Variants in ATG13 observed in about 807,000 individuals in gnomAD.
ATG13 encodes autophagy related 13, also known as autophagy-related protein 13.
In ATG13, 23 loss-of-function variants were observed where a neutral mutation model predicts 65.5. That is an observed-to-expected ratio of 0.35 (90% confidence interval 0.25 to 0.50). The LOEUF (loss-of-function observed/expected upper bound fraction) is 0.50. ATG13 is among the 20% of genes least tolerant of loss of function. The probability of loss-of-function intolerance (pLI) is 0.98; values close to 1 mark genes in which losing one functional copy is unlikely to be tolerated. For synonymous variants in ATG13, 252 were observed against 245.2 expected (o/e 1.03, Z -0.26); for missense variants, 566 against 677.0 (o/e 0.84, Z 1.82).
At chr11:46,619,454 G>A (rs1233973517) in intron 1 of ATG13, among the ~76,000 whole-genome samples, 5 of 137,876 alleles carry the variant, frequency 3.6e-5, no homozygotes, top group African/African-American at 1.1e-4. Context: ...GCGGGAACTC[G>A]GCCCACTGCA....
chr11:46,653,180 C>CTT lies in ATG13; in HGVS notation c.458+2879_458+2880dup, dbSNP rs1226638713. On this transcript the variant is annotated intron_variant, in intron 7 of 18. Transcript: ENST00000683050. The stretch of plus-strand genomic sequence containing the variant: ...TATTTACATACATTTCATTTCTTTT[C>CTT]TTTTTTTTTTTTTTTTTGAGGTGGA... Among the ~76,000 whole-genome samples, 235 of 132,662 alleles carry CTT rather than the reference C, an allele frequency of 1.8e-3. 2 individuals carry two copies. Among genetic ancestry groups the CTT allele is most frequent in the African/African-American group, 5.2e-3 (184 of 35,060 alleles). 87.0% of individuals were successfully genotyped at this position (132,662 alleles called of 152,430 possible). A position where few individuals can be genotyped will look rare whatever the true frequency, so the allele number is the denominator to read the frequency against.
intron 1 of ATG13, chr11:46,618,344 C>T (rs1480781348): frequency 6.5e-6 from 1 of 153,424 alleles, no homozygotes; most frequent in African/African-American, 2.4e-5. Context: ...CTGTGGAAAC[C>T]TGTGATCCAT....
chr11:46,655,487 C>T (rs1360381566), intron 7 of ATG13, among the ~76,000 whole-genome samples: 2 of 151,982 alleles, frequency 1.3e-5, no homozygotes, highest in South Asian at 2.1e-4. Flanking sequence ...GTAGGAGAAT[C>T]GCTTGAACCC....
At chr11:46,661,857 A>C (rs2061294518) in intron 11 of ATG13, among the ~76,000 whole-genome samples, 1 of 152,156 alleles carries the variant, frequency 6.6e-6, no homozygotes, top group Non-Finnish European at 1.5e-5. Context: ...ATAAACTCAC[A>C]GTTGTAATCT....
intron 2 of ATG13, chr11:46,632,599 GT>G (rs2052186281): frequency 6.6e-6 from 1 of 152,116 alleles, no homozygotes; most frequent in Admixed American, 6.6e-5. Context: ...CATTTTGGCT[GT>G]AACAAGAATT....
chr11:46,669,671 C>G (rs2063251386), intron 18 of ATG13, 139 bp downstream of exon 18: 1 of 1,122,254 alleles, frequency 8.9e-7, no homozygotes, highest in East Asian at 2.6e-5. Context: ...TTTGATCACT[C>G]TTGAGATTGG....
intron 2 of ATG13, among the ~76,000 whole-genome samples, chr11:46,631,219 T>TAAGTAATGA (rs1435239142): frequency 6.6e-6 from 1 of 152,188 alleles, no homozygotes; most frequent in Admixed American, 6.6e-5. Context: ...AATGACAGGG[T>TAAGTAATGA]CTCACTCTGT....
chr11:46,620,278 G>A lies in ATG13; in HGVS notation c.-70+2388G>A, dbSNP rs147267727. On this transcript the variant is annotated intron_variant, in intron 1 of 18. Coordinates refer to ENST00000683050, the MANE Select transcript of ATG13 (RefSeq NM_001346311.2). ...CTGGCTAAGTTTTTGTATTTTTAGT[G>A]GAGATGAGGTTTCACCGAGTTGGCC... 9.3e-5 allele frequency among the ~76,000 whole-genome samples: 14 copies of A among 150,742 alleles called. No individual in the cohort carries two copies. In the East Asian group the frequency reaches 3.0e-3, roughly 32 times the overall value.
chr11:46,658,741 G>A lies in ATG13; in HGVS notation c.696-651G>A, dbSNP rs187138155. Among the ~76,000 whole-genome samples the A allele has an allele frequency of 2.5e-3, 378 of 152,062 alleles. 2 individuals carry two copies. The highest frequency in any genetic ancestry group is 8.8e-3 in the African/African-American group (365 of 41,504). On this transcript the variant is annotated intron_variant, in intron 10 of 18. Transcript: ENST00000683050. ...AGTAGAGACGGGGTTTCTCCATGTT[G>A]GTCAGGCTGGTCTCAAGCTCCTGAC...
intron 2 of ATG13, among the ~76,000 whole-genome samples, chr11:46,642,119 C>T (rs925867515): frequency 2.0e-5 from 3 of 151,980 alleles, no homozygotes; most frequent in Non-Finnish European, 4.4e-5. Flanking sequence ...ATTATTTCCT[C>T]TTTCAGCTCT....
rs190701863 is a variant in ATG13 at position 46,664,555 on chromosome 11, A to C, written c.889-294A>C. ...GCTCCACACATCTGCTGGGCTTAGC[A>C]CTGAAACAGTTAGCTCAGCCCCTGG... On this transcript the variant is annotated intron_variant, in intron 12 of 18. Transcript: ENST00000683050. 4.6e-5 allele frequency among the ~76,000 whole-genome samples: 7 copies of C among 152,304 alleles called. No individual in the cohort carries two copies. In the East Asian group the frequency reaches 1.2e-3, roughly 25 times the overall value.
intron 11 of ATG13, among the ~76,000 whole-genome samples, chr11:46,660,897 A>T (rs1000584440): frequency 7.9e-5 from 12 of 151,482 alleles, no homozygotes; most frequent in African/African-American, 2.7e-4. Flanking sequence ...TTCTGTAGAG[A>T]TGGGGTTTTG....
intron 11 of ATG13, chr11:46,659,704 C>A (rs1321144241): frequency 1.2e-5 from 5 of 414,868 alleles, no homozygotes; most frequent in Admixed American, 4.1e-5. Context: ...CCCTTACCTT[C>A]CTGGTGACAT....
chr11:46,634,030 C>G (rs2136000968), intron 2 of ATG13, among the ~76,000 whole-genome samples: 1 of 152,118 alleles, frequency 6.6e-6, no homozygotes, highest in East Asian at 1.9e-4. Flanking sequence ...CTGAAAGTGT[C>G]AGCAGGCCTC....
At chr11:46,625,821 A>G (rs1303058408) in intron 1 of ATG13, among the ~76,000 whole-genome samples, 5 of 152,202 alleles carry the variant, frequency 3.3e-5, no homozygotes, top group Non-Finnish European at 5.9e-5. Flanking sequence ...TCTGGATTTT[A>G]GGCGCATAAA....
Position 46,660,704 on chromosome 11 carries a change from G to A in ATG13, c.789+1219G>A, listed in dbSNP as rs566321262. Among the ~76,000 whole-genome samples the A allele has an allele frequency of 1.9e-4, 28 of 150,166 alleles. No homozygotes were observed. The South Asian group carries it at 4.9e-3, about 26-fold the overall frequency. ...ATTACAGGTGTGAGCCACTGCGCCC[G>A]GCCTTTTTTTTTTTTTTAATTTGAA... is the stretch of plus-strand genomic sequence containing the variant. On this transcript the variant is annotated intron_variant, in intron 11 of 18. Coordinates refer to ENST00000683050, the MANE Select transcript of ATG13 (RefSeq NM_001346311.2).
intron 2 of ATG13, among the ~76,000 whole-genome samples, chr11:46,642,584 C>T (rs1203281199): frequency 1.3e-5 from 2 of 151,964 alleles, no homozygotes; most frequent in Non-Finnish European, 2.9e-5. Flanking sequence ...GGATTACAGG[C>T]GTGAGCCACC....
intron 7 of ATG13, among the ~76,000 whole-genome samples, chr11:46,651,693 C>T (rs1009825700): frequency 1.3e-5 from 2 of 152,130 alleles, no homozygotes; most frequent in Non-Finnish European, 2.9e-5. Flanking sequence ...AATCCGGTAC[C>T]TGAGAATAGT....
At chr11:46,649,458 A>G (rs1470833138) in intron 6 of ATG13, among the ~76,000 whole-genome samples, 1 of 152,236 alleles carries the variant, frequency 6.6e-6, no homozygotes, top group Non-Finnish European at 1.5e-5. Context: ...CCCAGAGTAC[A>G]GCTAGTTCTC....
Sources: gnomAD v4.1 joint callset for allele counts (sites outside exome capture counted in the v4.1 genomes callset) on GRCh38, gnomAD v4.1.1 for gene constraint, MANE v1.5 for transcripts, NCBI Gene and HGNC (gene_info 2026-07-23, HGNC 2026-07-21) for gene names.